SYNPR: variants seen among roughly 807,000 people sequenced by gnomAD.
SYNPR encodes the protein synaptoporin.
In SYNPR, 23 loss-of-function variants were observed where a neutral mutation model predicts 32.9. The observed-to-expected ratio is 0.70, with a 90% CI of 0.50 to 0.99. SYNPR has a LOEUF of 0.99. SYNPR is among the 50% of genes least tolerant of loss of function. The pLI, the probability that SYNPR is intolerant of heterozygous loss-of-function variation, is 0.00. For missense variants in SYNPR, 318 were observed against 349.3 expected, an observed-to-expected ratio of 0.91 and a Z score of 0.71; for synonymous variants, 146 against 135.9, an observed-to-expected ratio of 1.07 and a Z score of -0.52.
At chr3:63,353,922 A>C (rs758492023) in intron 2 of SYNPR, among the ~76,000 whole-genome samples, 9 of 152,296 alleles carry the variant, frequency 5.9e-5, no homozygotes, top group Non-Finnish European at 1.2e-4. Flanking sequence ...CTAATGCTTT[A>C]AATGTGAAGG....
intron 4 of SYNPR, among the ~76,000 whole-genome samples, chr3:63,566,737 C>T (rs1702795577): frequency 6.6e-6 from 1 of 152,136 alleles, no homozygotes. Flanking sequence ...TCTGAGTCTT[C>T]ATCTATCAAA....
At chr3:63,388,954 T>C (rs140615133) in intron 2 of SYNPR, among the ~76,000 whole-genome samples, 3 of 152,316 alleles carry the variant, frequency 2.0e-5, no homozygotes, top group African/African-American at 7.2e-5. Flanking sequence ...AAAACAGTCA[T>C]GCTGACTTCC....
chr3:63,468,060 G>A (rs948355656), intron 2 of SYNPR, among the ~76,000 whole-genome samples: 3 of 151,908 alleles, frequency 2.0e-5, no homozygotes, highest in Non-Finnish European at 4.4e-5. Context: ...TTAGCCAGGC[G>A]TGGTGGCACA....
intron 1 of SYNPR, among the ~76,000 whole-genome samples, chr3:63,246,171 A>C (rs899475959): frequency 6.6e-6 from 1 of 152,080 alleles, no homozygotes; most frequent in Admixed American, 6.6e-5. Flanking sequence ...CAAAGAAAAA[A>C]TGTATCCCCT....
In SYNPR at chr3:63,609,196, T is replaced by C. The variant is rs369799747; in HGVS notation, c.480T>C (p.Ser160=). The stretch of plus-strand genomic sequence containing the variant: ...CATCAGCTTGGGCAAAAGGACTGTC[T>C]GACGTCAAAGTTGCAACGGATCCCA... ...VGSSAWAKGL[S]DVKVATDPKE... is the part of the protein sequence containing the mutation. The change falls in exon 5 of 6, where the codon TCT becomes TCC. Residue 160 remains serine (S), a synonymous_variant. Coordinates refer to ENST00000478300, the MANE Select transcript of SYNPR (RefSeq NM_001130003.2). The C allele has an allele frequency of 9.9e-6, 16 of 1,611,104 alleles. No homozygotes were observed. Among genetic ancestry groups the C allele is most frequent in the Middle Eastern group, 3.3e-4 (2 of 6,080 alleles).
At chr3:63,363,758 G>A (rs78672427) in intron 2 of SYNPR, among the ~76,000 whole-genome samples, 346 of 152,160 alleles carry the variant, frequency 2.3e-3, no homozygotes, top group African/African-American at 7.7e-3. Flanking sequence ...CTAGTGCCAG[G>A]TACTGTCTAG....
intron 2 of SYNPR, among the ~76,000 whole-genome samples, chr3:63,266,563 C>T (rs1355747763): frequency 1.3e-5 from 2 of 151,738 alleles, no homozygotes; most frequent in Non-Finnish European, 2.9e-5. Context: ...AAAAATTAGC[C>T]GGGCTTTGTG....
At chr3:63,451,026 ATAGGGG>A (rs202187895) in intron 2 of SYNPR, among the ~76,000 whole-genome samples, 1,988 of 152,260 alleles carry the variant, frequency 0.013, 49 homozygotes, top group African/African-American at 0.046. Context: ...GCTCTGCGAT[ATAGGGG>A]TATGTATGGC....
rs1189272006 is a variant in SYNPR at position 63,559,357 on chromosome 3, C to T, written c.408+2616C>T. Among the ~76,000 whole-genome samples the T allele has an allele frequency of 3.9e-5, 6 of 152,176 alleles. 1 individual carries two copies. The Middle Eastern group carries it at 0.01, about 261-fold the overall frequency. ...CCTCCCAAAATGTTGGGATTACAGG[C>T]GTGAGCCACCATGCCCAGCCTAATA... On this transcript the variant is annotated intron_variant, in intron 4 of 5. Coordinates refer to ENST00000478300, the MANE Select transcript of SYNPR (RefSeq NM_001130003.2).
chr3:63,566,508 G>C (rs1315138169), intron 4 of SYNPR, among the ~76,000 whole-genome samples: 3 of 152,026 alleles, frequency 2.0e-5, no homozygotes, highest in Non-Finnish European at 4.4e-5. Flanking sequence ...CCCTCTTACA[G>C]TCGCTAGGGA....
chr3:63,334,700 A>T (rs2087265850), intron 2 of SYNPR, among the ~76,000 whole-genome samples: 1 of 152,152 alleles, frequency 6.6e-6, no homozygotes, highest in Non-Finnish European at 1.5e-5. Flanking sequence ...TCTTGGGTAC[A>T]TTGGCGATTG....
At chr3:63,276,620 T>TC (rs11398109), upstream of SYNPR, among the ~76,000 whole-genome samples, 80,543 of 141,674 alleles carry the variant, frequency 0.57, 22,696 homozygotes, top group Admixed American at 0.61. Flanking sequence ...TAGTGTTAGT[T>TC]CCCCCCACCC....
At chr3:63,322,234 G>C (rs1430295692) in intron 2 of SYNPR, among the ~76,000 whole-genome samples, 1 of 152,076 alleles carries the variant, frequency 6.6e-6, no homozygotes, top group Non-Finnish European at 1.5e-5. Flanking sequence ...CATACAGTTT[G>C]TAAAGCACAA....
chr3:63,278,662 C>G lies in SYNPR; in HGVS notation c.19-15C>G. On this transcript the variant is annotated splice_polypyrimidine_tract_variant and intron_variant, in intron 1 of 5. Coordinates refer to ENST00000478300, the MANE Select transcript of SYNPR (RefSeq NM_001130003.2). ...TCACGCTTTGCTTTCTCTCTCTCGC[C>G]TCATTCCCCCAAAGCTGGCCTCTGC... 1.3e-6 allele frequency: 2 copies of G among 1,551,660 alleles called. No homozygotes were observed. Among genetic ancestry groups the G allele is most frequent in the Non-Finnish European group, 8.7e-7 (1 of 1,146,944 alleles).
chr3:63,533,358 G>A (rs1052053380), intron 3 of SYNPR, among the ~76,000 whole-genome samples: 8 of 152,178 alleles, frequency 5.3e-5, no homozygotes, highest in Non-Finnish European at 2.9e-5. Flanking sequence ...AGAAGGAAGA[G>A]AAGAATTTCA....
chr3:63,402,931 C>T (rs2088311805), intron 2 of SYNPR, among the ~76,000 whole-genome samples: 1 of 152,144 alleles, frequency 6.6e-6, no homozygotes, highest in South Asian at 2.1e-4. Context: ...TGAAGATTCT[C>T]TAGAGAAAAT....
chr3:63,448,235 C>T (rs2107171294), intron 2 of SYNPR, among the ~76,000 whole-genome samples: 1 of 150,990 alleles, frequency 6.6e-6, no homozygotes, highest in Non-Finnish European at 1.5e-5. Context: ...AATTGATAAC[C>T]TCAGGTGATC....
chr3:63,601,555 T>C (rs1490530609), intron 4 of SYNPR, among the ~76,000 whole-genome samples: 1 of 152,160 alleles, frequency 6.6e-6, no homozygotes, highest in Non-Finnish European at 1.5e-5. Flanking sequence ...TGTCCACGTG[T>C]ACTTTAATTT....
chr3:63,328,083 C>T (rs2087186875), intron 2 of SYNPR, among the ~76,000 whole-genome samples: 1 of 152,100 alleles, frequency 6.6e-6, no homozygotes, highest in Admixed American at 6.6e-5. Flanking sequence ...ATTTTAGTGT[C>T]CCCATGATTA....
Sources: gnomAD v4.1 joint callset for allele counts (sites outside exome capture counted in the v4.1 genomes callset) on GRCh38, gnomAD v4.1.1 for gene constraint, MANE v1.5 for transcripts, NCBI Gene and HGNC (gene_info 2026-07-23, HGNC 2026-07-21) for gene names.